The following KSR2 variants were observed in gnomAD, a reference collection of about 807,000 sequenced individuals.
The protein encoded by KSR2 is kinase suppressor of ras 2.
A neutral mutation model predicts 107.8 loss-of-function variants in KSR2; 25 were observed. The ratio of observed to expected loss-of-function variants is 0.23; its 90% confidence interval spans 0.17 to 0.32. The LOEUF (loss-of-function observed/expected upper bound fraction) is 0.32. KSR2 is among the 10% of genes least tolerant of loss of function. The probability of loss-of-function intolerance (pLI) is 1.00; values close to 1 mark genes in which losing one functional copy is unlikely to be tolerated. For missense variants in KSR2, 887 were observed against 1,268.9 expected (o/e 0.70, Z 4.57); for synonymous variants, 480 against 507.0 (o/e 0.95, Z 0.71).
intron 10 of KSR2, among the ~76,000 whole-genome samples, chr12:117,534,905 T>A (rs143109057): frequency 4.3e-4 from 65 of 152,228 alleles, no homozygotes; most frequent in Non-Finnish European, 7.9e-4. Context: ...GGCAAGGAGA[T>A]GGATTCTCCC....
chr12:117,554,663 C>T (rs2137333232), intron 9 of KSR2, among the ~76,000 whole-genome samples: 1 of 152,306 alleles, frequency 6.6e-6, no homozygotes, highest in Admixed American at 6.5e-5. Context: ...AGTTTCCCTG[C>T]ATAAGCTCTC....
At chr12:117,656,997 T>C (rs1403901724) in intron 5 of KSR2, among the ~76,000 whole-genome samples, 1 of 138,360 alleles carries the variant, frequency 7.2e-6, no homozygotes, top group Non-Finnish European at 1.5e-5. Flanking sequence ...TATATATATA[T>C]ATATATATAT....
At chr12:117,905,305 T>C (rs566829224) in intron 1 of KSR2, among the ~76,000 whole-genome samples, 1 of 152,358 alleles carries the variant, frequency 6.6e-6, no homozygotes, top group East Asian at 1.9e-4. Flanking sequence ...ACTATCACTA[T>C]TTATTTTAGC....
chr12:117,582,332 G>A lies in KSR2; in HGVS notation c.1199C>T (p.Pro400Leu), dbSNP rs747234277. 9.9e-6 allele frequency: 16 copies of A among 1,613,618 alleles called. No individual in the cohort carries two copies. The highest frequency in any genetic ancestry group is 1.6e-4 in the Middle Eastern group (1 of 6,084). Residue 400 changes from proline (P) to leucine (L), a missense_variant, in exon 6 of 20, where the codon CCG becomes CTG. Around this residue, in one of 8 missense-constraint regions of KSR2, gnomAD observed 399 missense variants for 479.5 expected, o/e 0.83. Transcript: ENST00000339824. ...ANTLSVPRWS[P>L]QIPRRDLGNS... ...GCCGAGATCTCTGCGAGGGATCTGCGGGGACCAGCGTGGCACTGACAGTGT... is the reference window on the plus strand; with the variant it reads ...GCCGAGATCTCTGCGAGGGATCTGCAGGGACCAGCGTGGCACTGACAGTGT...
intron 5 of KSR2, among the ~76,000 whole-genome samples, chr12:117,648,498 T>C (rs1276882472): frequency 1.3e-5 from 2 of 152,222 alleles, no homozygotes; most frequent in African/African-American, 4.8e-5. Context: ...GAGCCTATAA[T>C]GTAGCAGGCT....
chr12:117,963,838 T>A (rs1458291000), intron 1 of KSR2, among the ~76,000 whole-genome samples: 1 of 152,130 alleles, frequency 6.6e-6, no homozygotes, highest in East Asian at 1.9e-4. Context: ...AATACCTTCA[T>A]CTGGTTTGTT....
At chr12:117,678,927 C>G (rs1885253421) in intron 4 of KSR2, among the ~76,000 whole-genome samples, 1 of 152,154 alleles carries the variant, frequency 6.6e-6, no homozygotes, top group Non-Finnish European at 1.5e-5. Flanking sequence ...TCACAGCAGA[C>G]AAGGTCTGCT....
At chr12:117,920,547 CTA>C (rs1445921505) in intron 1 of KSR2, among the ~76,000 whole-genome samples, 8 of 152,118 alleles carry the variant, frequency 5.3e-5, no homozygotes, top group Admixed American at 2.0e-4. Context: ...TGAGCATTTA[CTA>C]TATGTCAGGC....
In KSR2 at chr12:117,965,710, A is replaced by G. The variant is rs576412656; in HGVS notation, c.180+2366T>C. Among the ~76,000 whole-genome samples the G allele has an allele frequency of 1.1e-3, 169 of 152,362 alleles. 3 individuals are homozygous for G. The highest frequency in any genetic ancestry group is 2.7e-3 in the Admixed American group (41 of 15,306). ...CATCTCAAAGTGTCCATTTGAAAAC[A>G]TGTATCAGAAATACCTGGACTGTTT... is the stretch of plus-strand genomic sequence containing the variant. On this transcript the variant is annotated intron_variant, in intron 1 of 19. Coordinates refer to ENST00000339824, the MANE Select transcript of KSR2 (RefSeq NM_173598.6).
intron 1 of KSR2, among the ~76,000 whole-genome samples, chr12:117,895,632 G>A (rs988900943): frequency 6.6e-6 from 1 of 152,128 alleles, no homozygotes; most frequent in African/African-American, 2.4e-5. Flanking sequence ...TGCATCACTG[G>A]GGGAATATAA....
chr12:117,596,352 C>T (rs1465288832), intron 5 of KSR2, among the ~76,000 whole-genome samples: 1 of 152,106 alleles, frequency 6.6e-6, no homozygotes, highest in Non-Finnish European at 1.5e-5. Flanking sequence ...CGGGTCCCTC[C>T]CATGACACAT....
rs61033623 is a variant in KSR2 at position 117,549,572 on chromosome 12, A to G, written c.1518+5597T>C. 4.5e-3 allele frequency among the ~76,000 whole-genome samples: 681 copies of G among 152,296 alleles called. 3 individuals are homozygous for G. The highest frequency in any genetic ancestry group is 0.016 in the African/African-American group (651 of 41,538). ...GCACCTAGCAATGAGCCAGTCACACAGTCACATGGTGGCCCCTCAGTAAAT... is the reference window on the plus strand; with the variant it reads ...GCACCTAGCAATGAGCCAGTCACACGGTCACATGGTGGCCCCTCAGTAAAT... On this transcript the variant is annotated intron_variant, in intron 9 of 19. Transcript: ENST00000339824.
intron 4 of KSR2, among the ~76,000 whole-genome samples, chr12:117,722,005 C>T (rs1814486): frequency 0.38 from 57,713 of 151,680 alleles, 11,104 homozygotes; most frequent in Middle Eastern, 0.49. Context: ...ATACAGCTAG[C>T]GCAACTGAAG....
At chr12:117,664,771 C>T (rs115325371) in intron 5 of KSR2, among the ~76,000 whole-genome samples, 2,065 of 152,148 alleles carry the variant, frequency 0.014, 45 homozygotes, top group African/African-American at 0.046. Context: ...TCAGAAGGGA[C>T]CCCATGGACA....
At chr12:117,855,002 A>AT (rs1893052215) in intron 3 of KSR2, among the ~76,000 whole-genome samples, 1 of 152,156 alleles carries the variant, frequency 6.6e-6, no homozygotes, top group African/African-American at 2.4e-5. Flanking sequence ...GCTTAGGGTG[A>AT]TTTTTTTAAA....
chr12:117,592,620 T>C (rs1257274620), intron 5 of KSR2, among the ~76,000 whole-genome samples: 1 of 152,230 alleles, frequency 6.6e-6, no homozygotes, highest in Non-Finnish European at 1.5e-5. Context: ...TAAGTTTCAT[T>C]GCCGGTAAAG....
intron 3 of KSR2, among the ~76,000 whole-genome samples, chr12:117,784,375 T>C (rs1354314505): frequency 6.6e-6 from 1 of 152,202 alleles, no homozygotes; most frequent in Non-Finnish European, 1.5e-5. Flanking sequence ...CCCTTTGCTC[T>C]TCCTTCCTCT....
intron 16 of KSR2, among the ~76,000 whole-genome samples, chr12:117,482,768 AC>A (rs1347317561): frequency 6.6e-6 from 1 of 151,854 alleles, no homozygotes; most frequent in African/African-American, 2.4e-5. Flanking sequence ...CCTTTCCTCC[AC>A]CTCAGGGACA....
intron 1 of KSR2, among the ~76,000 whole-genome samples, chr12:117,936,530 TTATTAGTAGTAGTAG>T (rs1267187827): frequency 1.2e-3 from 135 of 115,316 alleles, no homozygotes; most frequent in African/African-American, 4.0e-3. Flanking sequence ...ATTATTATTA[TTATTAGTAGTAGTAG>T]TAGTAGTAGT....
Sources: allele counts gnomAD v4.1 joint callset (sites outside exome capture counted in the v4.1 genomes callset), GRCh38; gene constraint gnomAD v4.1.1; regional missense constraint gnomAD v4.1.1; transcripts MANE v1.5; gene names NCBI Gene and HGNC (gene_info 2026-07-23, HGNC 2026-07-21).